Variants in ADGRL3 observed in about 807,000 individuals in gnomAD.
The protein encoded by ADGRL3 is adhesion G protein-coupled receptor L3, also known as calcium-independent alpha-latrotoxin receptor 3.
A neutral mutation model predicts 153.5 loss-of-function variants in ADGRL3; 62 were observed. That is an observed-to-expected ratio of 0.40 (90% CI 0.33 to 0.50). The LOEUF is 0.50. ADGRL3 is among the 20% of genes least tolerant of loss of function. The pLI is 0.47. For synonymous variants in ADGRL3, 710 were observed against 672.5 expected (o/e 1.06, Z -0.86); for missense variants, 1,641 against 1,859.4 (o/e 0.88, Z 2.16).
chr4:61,336,736 C>A (rs1215512698), intron 1 of ADGRL3, among the ~76,000 whole-genome samples: 1 of 151,610 alleles, frequency 6.6e-6, no homozygotes, highest in African/African-American at 2.4e-5. Context: ...TTCACTGTAC[C>A]CATTCTACTG....
At position 61,590,539 on chromosome 4, in the gene ADGRL3, G is replaced by A. The variant is rs150919950; in HGVS notation, c.473+3099G>A. Among the ~76,000 whole-genome samples the A allele has an allele frequency of 5.0e-3, 766 of 152,194 alleles. 11 individuals are homozygous for A. The highest frequency in any genetic ancestry group is 0.017 in the African/African-American group (688 of 41,544). Reference sequence around the variant, plus strand: ...TTCAGTTGTTAACCAGCACTTGAAAGTTTACAACGTGCAGTTTACCATAAC... The same window carrying A: ...TTCAGTTGTTAACCAGCACTTGAAAATTTACAACGTGCAGTTTACCATAAC... On this transcript the variant is annotated intron_variant, in intron 5 of 26. Transcript: ENST00000683033.
intron 5 of ADGRL3, among the ~76,000 whole-genome samples, chr4:61,658,150 C>T (rs2094493508): frequency 6.6e-6 from 1 of 152,154 alleles, no homozygotes; most frequent in Non-Finnish European, 1.5e-5. Context: ...ACCTTATTCC[C>T]TCCCTCCTTT....
chr4:61,490,124 CTT>C (rs2098242045), intron 2 of ADGRL3, among the ~76,000 whole-genome samples: 1 of 152,000 alleles, frequency 6.6e-6, no homozygotes, highest in Admixed American at 6.6e-5. Context: ...CATAGCAACT[CTT>C]AATCCAAAAC....
chr4:61,590,862 C>A (rs891327059), intron 5 of ADGRL3, among the ~76,000 whole-genome samples: 1 of 152,140 alleles, frequency 6.6e-6, no homozygotes, highest in South Asian at 2.1e-4. Context: ...TAGAAAAGAA[C>A]ACAAGGGCAT....
At chr4:61,793,627 TG>T (rs2097371314) in intron 8 of ADGRL3, among the ~76,000 whole-genome samples, 1 of 152,080 alleles carries the variant, frequency 6.6e-6, no homozygotes, top group Non-Finnish European at 1.5e-5. Context: ...ACTTGTCTTT[TG>T]CAACAACTAA....
At chr4:61,996,389 A>C (rs2099121692) in intron 20 of ADGRL3, 32 bp downstream of exon 20, 2 of 1,475,810 alleles carry the variant, frequency 1.4e-6, no homozygotes, top group Admixed American at 1.7e-5. Flanking sequence ...TGTGTTTCCC[A>C]GATCAAGAAG....
chr4:61,468,452 T>TC (rs2097910054), intron 2 of ADGRL3, among the ~76,000 whole-genome samples: 1 of 152,142 alleles, frequency 6.6e-6, no homozygotes, highest in South Asian at 2.1e-4. Flanking sequence ...GAACCATTTT[T>TC]CTCTAAAAGT....
intron 1 of ADGRL3, among the ~76,000 whole-genome samples, chr4:61,299,160 C>G (rs1476834012): frequency 6.6e-6 from 1 of 152,056 alleles, no homozygotes; most frequent in Admixed American, 6.6e-5. Context: ...CCCATCTTCC[C>G]CCCCTTTTCT....
At chr4:62,044,630 T>G in intron 25 of ADGRL3, 81 bp downstream of exon 25, 1 of 901,030 alleles carries the variant, frequency 1.1e-6, no homozygotes. Flanking sequence ...TATTTGCAAC[T>G]TCTGAACCTG....
chr4:61,747,220 C>T (rs1385303065), intron 8 of ADGRL3, among the ~76,000 whole-genome samples: 1 of 150,908 alleles, frequency 6.6e-6, no homozygotes, highest in East Asian at 2.0e-4. Flanking sequence ...TAATCAATAG[C>T]TTACCAACCA....
At chr4:61,808,515 C>A (rs565364257) in intron 8 of ADGRL3, among the ~76,000 whole-genome samples, 1 of 152,152 alleles carries the variant, frequency 6.6e-6, no homozygotes, top group Non-Finnish European at 1.5e-5. Flanking sequence ...AAAAAAGAAA[C>A]CAGAATAAAA....
chr4:61,372,601 T>C (rs2096548677), intron 1 of ADGRL3, among the ~76,000 whole-genome samples: 1 of 152,182 alleles, frequency 6.6e-6, no homozygotes, highest in Admixed American at 6.5e-5. Flanking sequence ...GATCTCCAGC[T>C]GCGTGCTGGG....
chr4:61,774,539 T>C (rs1422071463), intron 8 of ADGRL3, among the ~76,000 whole-genome samples: 1 of 151,960 alleles, frequency 6.6e-6, no homozygotes, highest in Non-Finnish European at 1.5e-5. Flanking sequence ...TATGGGAGGA[T>C]GTGTGTAGGT....
intron 5 of ADGRL3, among the ~76,000 whole-genome samples, chr4:61,674,807 G>C (rs192633052): frequency 5.3e-5 from 8 of 151,902 alleles, no homozygotes; most frequent in African/African-American, 1.9e-4. Context: ...GACTTGAAGA[G>C]CTTCTTCAAA....
At chr4:61,648,619 T>G (rs1382315224) in intron 5 of ADGRL3, among the ~76,000 whole-genome samples, 1 of 151,942 alleles carries the variant, frequency 6.6e-6, no homozygotes, top group African/African-American at 2.4e-5. Flanking sequence ...AACTAAATTT[T>G]TAATAAGCTA....
chr4:61,445,499 G>A (rs901432485), intron 2 of ADGRL3, among the ~76,000 whole-genome samples: 4 of 152,222 alleles, frequency 2.6e-5, no homozygotes, highest in Non-Finnish European at 5.9e-5. Context: ...TAATAGGAGT[G>A]TCATAGGCCT....
intron 1 of ADGRL3, among the ~76,000 whole-genome samples, chr4:61,231,890 G>T (rs1332840177): frequency 2.0e-5 from 3 of 151,960 alleles, no homozygotes; most frequent in African/African-American, 7.2e-5. Context: ...TAATGCTGAG[G>T]AGGTAATTAT....
At chr4:61,539,623 A>C (rs1047072828) in intron 4 of ADGRL3, among the ~76,000 whole-genome samples, 2 of 152,136 alleles carry the variant, frequency 1.3e-5, no homozygotes, top group Non-Finnish European at 2.9e-5. Context: ...CGTGGTGTGC[A>C]TCGTCTCAGT....
chr4:62,001,739 T>G (rs1283388982), intron 21 of ADGRL3, among the ~76,000 whole-genome samples: 1 of 152,198 alleles, frequency 6.6e-6, no homozygotes, highest in Non-Finnish European at 1.5e-5. Context: ...GTGTTCGCTT[T>G]AAAGATATAA....
Sources: gnomAD v4.1 joint callset for allele counts (sites outside exome capture counted in the v4.1 genomes callset) on GRCh38, gnomAD v4.1.1 for gene constraint, MANE v1.5 for transcripts, NCBI Gene and HGNC (gene_info 2026-07-23, HGNC 2026-07-21) for gene names.